The following SPG7 variants were observed in gnomAD, a reference collection of about 807,000 sequenced individuals.
SPG7 encodes mitochondrial inner membrane m-AAA protease component paraplegin.
Under a neutral mutation model 81.9 loss-of-function variants are expected in SPG7, and 103 were observed. The ratio of observed to expected loss-of-function variants is 1.26; its 90% CI spans 1.07 to 1.48. The LOEUF (loss-of-function observed/expected upper bound fraction) is 1.48. Ranked by LOEUF, SPG7 falls within the 40% of genes most tolerant of loss-of-function variation. SPG7 has a pLI of 0.00. For synonymous variants in SPG7, 534 were observed against 444.2 expected, an observed-to-expected ratio of 1.20 and a Z score of -2.54; for missense variants, 1,241 against 1,087.3, an observed-to-expected ratio of 1.14 and a Z score of -1.99.
intron 9 of SPG7, chr16:89,539,407 G>A (rs1027822935): frequency 6.6e-6 from 1 of 152,320 alleles, no homozygotes; most frequent in Non-Finnish European, 1.5e-5. Context: ...GCTGAGGCAG[G>A]AGAATCGCTT....
At chr16:89,534,687 A>G (rs1426891174) in intron 9 of SPG7, among the ~76,000 whole-genome samples, 1 of 152,204 alleles carries the variant, frequency 6.6e-6, no homozygotes, top group African/African-American at 2.4e-5. Flanking sequence ...TCTCATTGCA[A>G]AATCACTTTA....
chr16:89,536,954 C>A (rs752880551), intron 9 of SPG7: 63 of 1,614,088 alleles, frequency 3.9e-5, no homozygotes, highest in Non-Finnish European at 5.3e-5. Flanking sequence ...CAAAGGCAAG[C>A]GTATATCAAA....
intron 5 of SPG7, chr16:89,528,853 T>C (rs13336753): frequency 0.45 from 72,024 of 158,824 alleles, 16,698 homozygotes; most frequent in East Asian, 0.68. Flanking sequence ...GCTCTGTAGC[T>C]CAGGCTGGAG....
chr16:89,528,601 TGC>T (rs1441984049), intron 5 of SPG7: 5 of 145,654 alleles, frequency 3.4e-5, no homozygotes, highest in African/African-American at 7.6e-5. Context: ...TCCTGGGATT[TGC>T]TTTTTTTTTT....
intron 12 of SPG7, chr16:89,549,563 G>C (rs932691366): frequency 2.2e-5 from 6 of 266,842 alleles, no homozygotes; most frequent in Non-Finnish European, 3.7e-5. Flanking sequence ...AGCTACTCAG[G>C]AGGCTGCAGC....
rs537552541 is a variant in SPG7 at position 89,536,813 on chromosome 16, G to A, written c.1324+4177G>A. The stretch of plus-strand genomic sequence containing the variant: ...TCCCAGGGGACCATGAGGAAGCTCA[G>A]AGGAAAGACCCCCGCCTGCTCCTGT... On this transcript the variant is annotated intron_variant, in intron 9 of 16. Transcript: ENST00000645818. 1.4e-5 allele frequency: 23 copies of A among 1,614,124 alleles called. 1 individual carries two copies. The South Asian group carries it at 2.4e-4, about 17-fold the overall frequency.
intron 9 of SPG7, chr16:89,532,903 C>A: frequency 2.1e-6 from 1 of 473,338 alleles, no homozygotes; most frequent in Non-Finnish European, 3.9e-6. Context: ...GGCCAACATG[C>A]TGAAACCCCA....
At chr16:89,538,438 T>G (rs549031043) in intron 9 of SPG7, 1 of 152,426 alleles carries the variant, frequency 6.6e-6, no homozygotes, top group Admixed American at 6.5e-5. Context: ...CCTGGGCTTC[T>G]GGGCTCCGCA....
At chr16:89,530,380 G>C (rs1172924164) in intron 6 of SPG7, 2 of 422,428 alleles carry the variant, frequency 4.7e-6, no homozygotes, top group Non-Finnish European at 8.9e-6. Context: ...TCTTGACCTC[G>C]TGATCCGCCC....
Position 89,557,117 on chromosome 16 carries a change from C to T in SPG7, c.*24C>T, listed in dbSNP as rs367714018. On this transcript the variant is annotated 3_prime_UTR_variant, in exon 17 of 17. Coordinates refer to ENST00000645818, the MANE Select transcript of SPG7 (RefSeq NM_003119.4). ...AGTTGGGAGGTGTTGGCTGCACGTG[C>T]GGGTGGTCCGGGAAGTGAGGGCTCA... is the stretch of plus-strand genomic sequence containing the variant. 1.7e-4 allele frequency: 274 copies of T among 1,595,416 alleles called. No homozygotes were observed. Among genetic ancestry groups the T allele is most frequent in the Admixed American group, 5.6e-4 (33 of 59,378 alleles).
chr16:89,527,021 T>C (rs763788744), intron 5 of SPG7: 2 of 243,720 alleles, frequency 8.2e-6, no homozygotes, highest in African/African-American at 2.3e-5. Flanking sequence ...TGCCGAAATC[T>C]TTGTGTGTAA....
rs748309520 is a variant in SPG7 at position 89,531,903 on chromosome 16, G to A, written c.988-1G>A. 16 of 1,613,996 alleles carry A rather than the reference G, an allele frequency of 9.9e-6. No individual in the cohort carries two copies. The highest frequency in any genetic ancestry group is 1.4e-5 in the Non-Finnish European group (16 of 1,179,978). ...GTGTTGCATTGTCTGCTGCCGTCCA[G>A]AGCCCAGAACGCTTCCTCCAGCTTG... On this transcript the variant is annotated splice_acceptor_variant, in intron 7 of 16. Coordinates refer to ENST00000645818, the MANE Select transcript of SPG7 (RefSeq NM_003119.4). LOFTEE classifies it high-confidence loss of function.
chr16:89,547,954 C>T, intron 11 of SPG7, 49 bp from the exon 12 acceptor site: 1 of 1,427,964 alleles, frequency 7.0e-7, no homozygotes, highest in Non-Finnish European at 9.9e-7. Context: ...CTCTTAAGCC[C>T]TGATAGCAGA....
intron 6 of SPG7, 38 bp downstream of exon 6, chr16:89,529,617 G>A: frequency 2.1e-6 from 3 of 1,456,760 alleles, no homozygotes; most frequent in Non-Finnish European, 2.9e-6. Flanking sequence ...AACTCTTTCT[G>A]GTTTGTGTTT....
At chr16:89,553,235 G>A (rs2058654806) in intron 14 of SPG7, 100 bp downstream of exon 14, 8 of 1,196,916 alleles carry the variant, frequency 6.7e-6, no homozygotes, top group African/African-American at 1.5e-5. Context: ...TGGTGTAGAC[G>A]TAGCTTTGAA....
At chr16:89,553,721 G>A (rs527658538) in intron 14 of SPG7, 73 bp from the exon 15 acceptor site, 19 of 1,491,186 alleles carry the variant, frequency 1.3e-5, no homozygotes, top group Admixed American at 8.4e-5. Context: ...TGCTCTGACC[G>A]GGACACCTGG....
chr16:89,533,411 C>A (rs1464214013), intron 9 of SPG7: 1 of 152,234 alleles, frequency 6.6e-6, no homozygotes, highest in Non-Finnish European at 1.5e-5. Context: ...TCGTGATCCG[C>A]CTGCCTCGGC....
intron 3 of SPG7, chr16:89,520,255 G>C (rs2058167671): frequency 6.5e-6 from 1 of 153,418 alleles, no homozygotes; most frequent in African/African-American, 2.4e-5. Context: ...GGCGGGAAGA[G>C]GTGCATCGGG....
chr16:89,514,968 G>A (rs544844547), intron 3 of SPG7, among the ~76,000 whole-genome samples: 104 of 130,786 alleles, frequency 8.0e-4, no homozygotes, highest in African/African-American at 2.9e-3. Context: ...ACGGAGTCTC[G>A]CTCTGTCGCC....
Sources: allele counts gnomAD v4.1 joint callset (sites outside exome capture counted in the v4.1 genomes callset), GRCh38; gene constraint gnomAD v4.1.1; transcripts MANE v1.5; gene names NCBI Gene and HGNC (gene_info 2026-07-23, HGNC 2026-07-21).